The following AK2 variants were observed in gnomAD, a reference collection of about 807,000 sequenced individuals.
The protein encoded by AK2 is adenylate kinase 2, mitochondrial.
A neutral mutation model predicts 24.6 loss-of-function variants in AK2; 15 were observed. The observed-to-expected ratio is 0.61, with a 90% confidence interval of 0.41 to 0.94. AK2 has a LOEUF of 0.94. Among genes scored for constraint, AK2 ranks in the 40% least tolerant of loss-of-function variants. AK2 has a pLI of 0.00. For missense variants in AK2, 257 were observed against 304.1 expected (o/e 0.85, Z 1.15); for synonymous variants, 102 against 114.0 (o/e 0.90, Z 0.67).
rs757578036 is a variant in AK2, at chr1:33,013,268, A to T, written c.633T>A (p.Asp211Glu). Reference protein sequence around the residue: ...YRKRGIHSAIDASQTPDVVFA... With the variant: ...YRKRGIHSAIEASQTPDVVFA... ...ACACGACATCGGGGGTCTGGGATGC[A>T]TCGATGGCGGAGTGGATCCCCCGTT... Residue 211 changes from aspartate to glutamate, a missense_variant, in exon 6 of 6, where the codon GAT becomes GAA. Asp to Glu is a conservative substitution (Grantham distance 45). Transcript: ENST00000672715. 1.9e-6 allele frequency: 3 copies of T among 1,614,178 alleles called. No homozygotes were observed. The highest frequency in any genetic ancestry group is 2.5e-6 in the Non-Finnish European group (3 of 1,180,026).
Position 33,012,774 on chromosome 1 carries a change from G to A in AK2, c.*407C>T. ...CAGCCAGGTGTTGTGGCATGCACCT[G>A]TAGTCCCAGCTGCTCAGGAGGCTGA... On this transcript the variant is annotated 3_prime_UTR_variant, in exon 6 of 6. Transcript: ENST00000672715. 1 of 960,830 alleles carries A rather than the reference G, an allele frequency of 1.0e-6. No individual in the cohort carries two copies. Among genetic ancestry groups the A allele is most frequent in the South Asian group, 1.3e-5 (1 of 74,182 alleles). 59.5% of individuals were successfully genotyped at this position (960,830 alleles called of 1,614,324 possible). A position where few individuals can be genotyped will look rare whatever the true frequency, so the allele number is the denominator to read the frequency against.
intron 1 of AK2, among the ~76,000 whole-genome samples, chr1:33,030,464 G>A (rs961547431): frequency 2.6e-5 from 4 of 152,048 alleles, no homozygotes; most frequent in African/African-American, 9.7e-5. Context: ...TGAGGTGGGA[G>A]GACCATTTGA....
At chr1:33,020,322 T>C (rs1248817094) in intron 4 of AK2, among the ~76,000 whole-genome samples, 1 of 152,164 alleles carries the variant, frequency 6.6e-6, no homozygotes, top group East Asian at 1.9e-4. Context: ...TACAGCAAAG[T>C]ATGGCAACTC....
At chr1:33,034,140 T>C (rs1157571376) in intron 1 of AK2, among the ~76,000 whole-genome samples, 1 of 152,166 alleles carries the variant, frequency 6.6e-6, no homozygotes, top group Non-Finnish European at 1.5e-5. Flanking sequence ...AGTATTCCTA[T>C]TGTTACAACT....
chr1:33,021,607 T>C lies in AK2; in HGVS notation c.316A>G (p.Arg106Gly). 2 of 1,614,064 alleles carry C rather than the reference T, an allele frequency of 1.2e-6. No homozygotes were observed. Among genetic ancestry groups the C allele is most frequent in the Non-Finnish European group, 1.7e-6 (2 of 1,179,916 alleles). The change falls in exon 3 of 6, where the codon AGG (arginine) becomes GGG (glycine). Residue 106 changes from arginine (R) to glycine (G), a missense_variant. Coordinates refer to ENST00000672715, the MANE Select transcript of AK2 (RefSeq NM_001625.4). ...FLLDGFPRTV[R>G]QAEMLDDLME... ...AAGCTACCCACCATTTCTGCCTGCCTCACAGTCCGAGGGAAGCCATCCAGA... is the reference window on the plus strand; with the variant it reads ...AAGCTACCCACCATTTCTGCCTGCCCCACAGTCCGAGGGAAGCCATCCAGA...
At position 33,011,420 on chromosome 1, in the gene AK2, A is replaced by G; in HGVS notation, c.*1761T>C. 1 of 1,287,392 alleles carries G rather than the reference A, an allele frequency of 7.8e-7. No individual in the cohort carries two copies. Among genetic ancestry groups the G allele is most frequent in the African/African-American group, 1.5e-5 (1 of 65,914 alleles). 79.7% of individuals were successfully genotyped at this position (1,287,392 alleles called of 1,614,324 possible). ...GAGTTGGTTTAGAGCCAGGAAAACAAGGCAGGACAGAGGCAGCAGACACTC... is the reference window on the plus strand; with the variant it reads ...GAGTTGGTTTAGAGCCAGGAAAACAGGGCAGGACAGAGGCAGCAGACACTC... On this transcript the variant is annotated 3_prime_UTR_variant, in exon 6 of 6. Coordinates refer to ENST00000672715, the MANE Select transcript of AK2 (RefSeq NM_001625.4).
In AK2 at chr1:33,014,653, C is replaced by T; in HGVS notation, c.426-59G>A. The T allele has an allele frequency of 2.1e-6, 3 of 1,405,846 alleles. No homozygotes were observed. The South Asian group carries it at 3.5e-5, about 16-fold the overall frequency. 87.1% of individuals were successfully genotyped at this position (1,405,846 alleles called of 1,614,324 possible). A position where few individuals can be genotyped will look rare whatever the true frequency, so the allele number is the denominator to read the frequency against. ...ACTGACAGTACGCGCCTGCACTCCA[C>T]TCTAGGGGGCTCCAGAATGACAAGC... On this transcript the variant is annotated intron_variant, in intron 4 of 5. Coordinates refer to ENST00000672715, the MANE Select transcript of AK2 (RefSeq NM_001625.4).
chr1:33,030,532 T>C (rs1489421106), intron 1 of AK2, among the ~76,000 whole-genome samples: 1 of 152,130 alleles, frequency 6.6e-6, no homozygotes, highest in Non-Finnish European at 1.5e-5. Context: ...CCAGCCTGAG[T>C]GACAGAGTGA....
At chr1:33,036,399 A>G (rs529839668) in intron 1 of AK2, among the ~76,000 whole-genome samples, 8 of 152,166 alleles carry the variant, frequency 5.3e-5, no homozygotes, top group African/African-American at 1.9e-4. Flanking sequence ...AATTGCCTCC[A>G]TTCAGCCTGT....
intron 1 of AK2, among the ~76,000 whole-genome samples, chr1:33,035,027 A>G (rs1640494180): frequency 6.6e-6 from 1 of 152,178 alleles, no homozygotes; most frequent in African/African-American, 2.4e-5. Flanking sequence ...GTCTCAAAAA[A>G]AAGAAAAAGA....
chr1:33,011,676 T>C lies in AK2; in HGVS notation c.*1505A>G. 4.6e-6 allele frequency: 6 copies of C among 1,303,518 alleles called. No homozygotes were observed. Among genetic ancestry groups the C allele is most frequent in the Non-Finnish European group, 6.0e-6 (6 of 999,990 alleles). 80.7% of individuals were successfully genotyped at this position (1,303,518 alleles called of 1,614,324 possible). A position where few individuals can be genotyped will look rare whatever the true frequency, so the allele number is the denominator to read the frequency against. ...CTAATGGTTTTTCCAGAGGCTGCCG[T>C]TTTTGTGGTCCTTCATAGCAGTCTG... On this transcript the variant is annotated 3_prime_UTR_variant, in exon 6 of 6. Transcript: ENST00000672715.
At position 33,021,387 on chromosome 1, in the gene AK2, C is replaced by T. The variant is rs1397171594; in HGVS notation, c.405G>A (p.Leu135=). Reference sequence around the variant, plus strand: ...AATACCTTCCTGTGATTCTTCGGATCAGCAGAGAGTCTGGGATGCTGAATT... The same window carrying T: ...AATACCTTCCTGTGATTCTTCGGATTAGCAGAGAGTCTGGGATGCTGAATT... ...VIEFSIPDSL[L]IRRITGRLIH... The change falls in exon 4 of 6, where the codon CTG becomes CTA. Residue 135 remains leucine (L), a synonymous_variant. Coordinates refer to ENST00000672715, the MANE Select transcript of AK2 (RefSeq NM_001625.4). The T allele has an allele frequency of 1.9e-6, 3 of 1,613,850 alleles. No individual in the cohort carries two copies. The highest frequency in any genetic ancestry group is 2.7e-5 in the African/African-American group (2 of 74,912).
intron 1 of AK2, chr1:33,031,485 T>G: frequency 2.4e-6 from 1 of 424,380 alleles, no homozygotes. Context: ...GAGCAATGGG[T>G]GACTATGTTG....
chr1:33,017,481 T>G (rs781430072), intron 4 of AK2, among the ~76,000 whole-genome samples: 2 of 152,162 alleles, frequency 1.3e-5, no homozygotes, highest in Admixed American at 6.5e-5. Context: ...ACCAGGATAT[T>G]TTTTTACCTT....
At position 33,009,705 on chromosome 1, in the gene AK2, A is replaced by G. The variant is rs1638681507; in HGVS notation, c.*3476T>C. 1 of 453,906 alleles carries G rather than the reference A, an allele frequency of 2.2e-6. No individual in the cohort carries two copies. Among genetic ancestry groups the G allele is most frequent in the Non-Finnish European group, 4.4e-6 (1 of 226,736 alleles). The allele number at this position is 453,906 out of a possible 1,614,324, so 28.1% of individuals were successfully genotyped here. A position where few individuals can be genotyped will look rare whatever the true frequency, so the allele number is the denominator to read the frequency against. ...GAACTCCAAGCACAGTGCTATCTCC[A>G]CTAGACCAAGCTGCCTTGTCTCTGG... On this transcript the variant is annotated 3_prime_UTR_variant, in exon 6 of 6. Transcript: ENST00000672715.
chr1:33,021,896 T>C (rs1639582315), intron 2 of AK2, among the ~76,000 whole-genome samples, 193 bp from the exon 3 acceptor site: 1 of 152,194 alleles, frequency 6.6e-6, no homozygotes, highest in Non-Finnish European at 1.5e-5. Flanking sequence ...CATAATTTTA[T>C]CTCTGTGGTT....
At chr1:33,033,376 C>T (rs540745273) in intron 1 of AK2, among the ~76,000 whole-genome samples, 1 of 152,042 alleles carries the variant, frequency 6.6e-6, no homozygotes, top group Non-Finnish European at 1.5e-5. Flanking sequence ...GAAAAGTTAG[C>T]CAGGCATGGT....
Position 33,013,172 on chromosome 1 carries a change from G to A in AK2, c.*9C>T. ...AGGGATGGAAAGAAATTCCTTCTTG[G>A]ACCCAACATTAGATAAACATAACCA... On this transcript the variant is annotated 3_prime_UTR_variant, in exon 6 of 6. Coordinates refer to ENST00000672715, the MANE Select transcript of AK2 (RefSeq NM_001625.4). The A allele has an allele frequency of 6.2e-7, 1 of 1,614,036 alleles. No individual in the cohort carries two copies. Among genetic ancestry groups the A allele is most frequent in the Non-Finnish European group, 8.5e-7 (1 of 1,179,968 alleles).
chr1:33,018,178 C>A (rs567760759), intron 4 of AK2, among the ~76,000 whole-genome samples: 18 of 152,086 alleles, frequency 1.2e-4, no homozygotes, highest in African/African-American at 4.3e-4. Context: ...TTGAGAGAGC[C>A]AATATTGAAT....
Sources: allele counts gnomAD v4.1 joint callset (sites outside exome capture counted in the v4.1 genomes callset), GRCh38; gene constraint gnomAD v4.1.1; transcripts MANE v1.5; gene names NCBI Gene and HGNC (gene_info 2026-07-23, HGNC 2026-07-21).